Variants in HCN1 observed in about 807,000 individuals in gnomAD.
The protein encoded by HCN1 is hyperpolarization activated cyclic nucleotide gated potassium channel 1, also known as potassium/sodium hyperpolarization-activated cyclic nucleotide-gated channel 1.
In HCN1, 13 loss-of-function variants were observed where a neutral mutation model predicts 78.9. That is an observed-to-expected ratio of 0.16 (90% CI 0.11 to 0.26). HCN1 has a LOEUF of 0.26. HCN1 is among the 10% of genes least tolerant of loss of function. HCN1 has a pLI of 1.00. For missense variants in HCN1, 810 were observed against 1,154.3 expected (o/e 0.70, Z 4.32); for synonymous variants, 552 against 455.5 (o/e 1.21, Z -2.70).
At chr5:45,536,361 T>A (rs888543441) in intron 2 of HCN1, among the ~76,000 whole-genome samples, 3 of 152,198 alleles carry the variant, frequency 2.0e-5, no homozygotes, top group Non-Finnish European at 4.4e-5. Flanking sequence ...GAGTCCATGC[T>A]CATTATTCTT....
At chr5:45,349,049 C>T (rs533751735) in intron 5 of HCN1, among the ~76,000 whole-genome samples, 1 of 152,306 alleles carries the variant, frequency 6.6e-6, no homozygotes, top group Non-Finnish European at 1.5e-5. Flanking sequence ...GAACTCTCCA[C>T]CCCAAATCAA....
At chr5:45,647,180 C>T (rs943950223) in intron 1 of HCN1, among the ~76,000 whole-genome samples, 10 of 152,084 alleles carry the variant, frequency 6.6e-5, no homozygotes, top group Non-Finnish European at 1.3e-4. Context: ...AACTTGCCTG[C>T]AATTTTTGAA....
At chr5:45,396,807 A>G (rs1561139692) in intron 3 of HCN1, 97 bp from the exon 4 acceptor site, 5 of 886,270 alleles carry the variant, frequency 5.6e-6, no homozygotes, top group Non-Finnish European at 7.6e-6. Flanking sequence ...AAAATACTGA[A>G]TACTGGAAAA....
At chr5:45,423,679 C>T (rs1413819124) in intron 3 of HCN1, among the ~76,000 whole-genome samples, 2 of 152,088 alleles carry the variant, frequency 1.3e-5, no homozygotes, top group African/African-American at 4.8e-5. Flanking sequence ...TATTTGTTAG[C>T]CAATCTGTAC....
At chr5:45,355,144 G>A (rs1184548649) in intron 4 of HCN1, among the ~76,000 whole-genome samples, 3 of 151,926 alleles carry the variant, frequency 2.0e-5, no homozygotes, top group African/African-American at 7.2e-5. Context: ...CAATAAGAGA[G>A]TATTTGACTA....
At chr5:45,332,934 A>G (rs1045250570) in intron 5 of HCN1, among the ~76,000 whole-genome samples, 2 of 151,772 alleles carry the variant, frequency 1.3e-5, no homozygotes. Context: ...TGTTGTGAAC[A>G]GTGCTGCAAC....
chr5:45,570,380 TATC>T (rs1307848949), intron 2 of HCN1, among the ~76,000 whole-genome samples: 1 of 152,120 alleles, frequency 6.6e-6, no homozygotes, highest in Non-Finnish European at 1.5e-5. Flanking sequence ...TTTTTCACCT[TATC>T]ATCTCCATGT....
intron 2 of HCN1, among the ~76,000 whole-genome samples, chr5:45,616,046 T>C (rs1744942717): frequency 6.6e-6 from 1 of 151,054 alleles, no homozygotes; most frequent in Admixed American, 6.6e-5. Context: ...CTAAAAGAGG[T>C]ATTTGGTATA....
intron 3 of HCN1, among the ~76,000 whole-genome samples, chr5:45,415,136 T>C (rs1740094600): frequency 6.6e-6 from 1 of 152,088 alleles, no homozygotes; most frequent in Non-Finnish European, 1.5e-5. Context: ...TAAGACTTTT[T>C]CTAACCATGA....
intron 6 of HCN1, among the ~76,000 whole-genome samples, chr5:45,286,497 T>C (rs1368121644): frequency 1.3e-5 from 2 of 151,998 alleles, no homozygotes; most frequent in African/African-American, 2.4e-5. Context: ...CACCACTGCA[T>C]TGTAAAATGA....
intron 3 of HCN1, among the ~76,000 whole-genome samples, chr5:45,445,235 C>A (rs1740764056): frequency 6.6e-6 from 1 of 152,204 alleles, no homozygotes; most frequent in African/African-American, 2.4e-5. Context: ...GAGATTATAT[C>A]CCGCACCTGG....
chr5:45,475,067 A>G lies in HCN1; in HGVS notation c.850-13060T>C, dbSNP rs184580297. Among the ~76,000 whole-genome samples the G allele has an allele frequency of 3.1e-4, 47 of 152,146 alleles. 1 individual carries two copies. The East Asian group carries it at 6.9e-3, about 22-fold the overall frequency. On this transcript the variant is annotated intron_variant, in intron 2 of 7. Transcript: ENST00000303230. ...ATTTATTTTTGCTGTCAATTCTCAT[A>G]GAAACTAATTGAAATCTGTTTCTTC...
intron 3 of HCN1, among the ~76,000 whole-genome samples, chr5:45,434,442 A>G (rs1579892165): frequency 6.6e-6 from 1 of 152,358 alleles, no homozygotes; most frequent in African/African-American, 2.4e-5. Flanking sequence ...AAGCTTATTC[A>G]GTAGGAATCA....
At chr5:45,439,632 G>T (rs1579895670) in intron 3 of HCN1, among the ~76,000 whole-genome samples, 2 of 152,042 alleles carry the variant, frequency 1.3e-5, no homozygotes, top group African/African-American at 4.8e-5. Context: ...GCTGTATCAT[G>T]ATGTAAGTAG....
At chr5:45,694,355 T>C (rs1018396515) in intron 1 of HCN1, among the ~76,000 whole-genome samples, 1 of 152,202 alleles carries the variant, frequency 6.6e-6, no homozygotes, top group African/African-American at 2.4e-5. Flanking sequence ...TCACGGAGGC[T>C]ACTGATTTCT....
chr5:45,509,968 TTAGACAC>T (rs1456004439), intron 2 of HCN1, among the ~76,000 whole-genome samples: 1 of 152,120 alleles, frequency 6.6e-6, no homozygotes, highest in Non-Finnish European at 1.5e-5. Flanking sequence ...TCCCCAGATA[TTAGACAC>T]TAAAATTATC....
intron 6 of HCN1, among the ~76,000 whole-genome samples, chr5:45,282,178 A>G (rs1745182442): frequency 6.6e-6 from 1 of 152,200 alleles, no homozygotes; most frequent in Non-Finnish European, 1.5e-5. Flanking sequence ...TCTTTAGAAC[A>G]CCACTTAGTA....
intron 4 of HCN1, among the ~76,000 whole-genome samples, chr5:45,368,115 AT>A (rs1192091055): frequency 2.0e-5 from 3 of 152,000 alleles, no homozygotes; most frequent in Non-Finnish European, 2.9e-5. Flanking sequence ...AATCAATAAG[AT>A]TTTTTGTTAA....
chr5:45,614,173 A>G (rs1325112963), intron 2 of HCN1, among the ~76,000 whole-genome samples: 1 of 152,040 alleles, frequency 6.6e-6, no homozygotes, highest in Non-Finnish European at 1.5e-5. Context: ...CCAGACTGCT[A>G]TTTTCCAAAA....
Sources: allele counts gnomAD v4.1 joint callset (sites outside exome capture counted in the v4.1 genomes callset), GRCh38; gene constraint gnomAD v4.1.1; transcripts MANE v1.5; gene names NCBI Gene and HGNC (gene_info 2026-07-23, HGNC 2026-07-21).